FHOD3: variants seen among roughly 807,000 people sequenced by gnomAD.
FHOD3 encodes formin homology 2 domain containing 3.
In FHOD3, 90 loss-of-function variants were observed where a neutral mutation model predicts 173.0. The observed-to-expected ratio is 0.52, with a 90% confidence interval of 0.44 to 0.62. The LOEUF (loss-of-function observed/expected upper bound fraction) is 0.62, where lower values mean the gene tolerates loss of function less well. Among genes scored for constraint, FHOD3 ranks in the 20% least tolerant of loss-of-function variants. FHOD3 has a pLI of 0.00. For synonymous variants in FHOD3, 828 were observed against 823.0 expected (o/e 1.01, Z -0.10); for missense variants, 1,945 against 2,034.7 (o/e 0.96, Z 0.85).
intron 20 of FHOD3, among the ~76,000 whole-genome samples, chr18:36,732,173 G>A (rs1418335691): frequency 2.6e-5 from 4 of 152,172 alleles, no homozygotes; most frequent in Non-Finnish European, 4.4e-5. Flanking sequence ...GAATACCAAG[G>A]ATCGTGGACA....
At chr18:36,584,091 G>C (rs1168640445) in intron 6 of FHOD3, among the ~76,000 whole-genome samples, 1 of 152,158 alleles carries the variant, frequency 6.6e-6, no homozygotes, top group Non-Finnish European at 1.5e-5. Context: ...GCCTCCCAAA[G>C]TGCTAAGAAT....
rs542353516 is a variant in FHOD3, at chr18:36,403,240, C to T, written c.337+30496C>T. 4.6e-5 allele frequency among the ~76,000 whole-genome samples: 7 copies of T among 152,324 alleles called. No homozygotes were observed. In the East Asian group the frequency reaches 1.3e-3, roughly 29 times the overall value. On this transcript the variant is annotated intron_variant, in intron 3 of 28. Coordinates refer to ENST00000590592, the MANE Select transcript of FHOD3 (RefSeq NM_001281740.3). ...GGGTGTGTTCTGTCCTCTGCAGCTT[C>T]CCTCCTCCCTCTACCCACCTTTTGG...
intron 3 of FHOD3, among the ~76,000 whole-genome samples, chr18:36,462,452 C>T (rs186456424): frequency 6.6e-6 from 1 of 152,194 alleles, no homozygotes; most frequent in African/African-American, 2.4e-5. Flanking sequence ...CTGCTTCAGC[C>T]TCCTGAGTAG....
At chr18:36,482,304 G>C (rs2053943215) in intron 3 of FHOD3, among the ~76,000 whole-genome samples, 1 of 152,298 alleles carries the variant, frequency 6.6e-6, no homozygotes, top group Middle Eastern at 3.4e-3. Context: ...AGTGCTATGA[G>C]AGAAAAACAG....
chr18:36,582,838 G>A (rs1313595358), intron 6 of FHOD3, among the ~76,000 whole-genome samples: 2 of 152,154 alleles, frequency 1.3e-5, no homozygotes, highest in Non-Finnish European at 1.5e-5. Context: ...CGTTTGAACC[G>A]GTAATCCACT....
At chr18:36,340,709 T>C (rs551180158) in intron 1 of FHOD3, among the ~76,000 whole-genome samples, 3 of 151,942 alleles carry the variant, frequency 2.0e-5, no homozygotes, top group African/African-American at 7.2e-5. Flanking sequence ...CGATCTCGGC[T>C]CACTGCAAGC....
chr18:36,761,960 C>T (rs1012667457), intron 27 of FHOD3, among the ~76,000 whole-genome samples: 7 of 152,070 alleles, frequency 4.6e-5, no homozygotes, highest in South Asian at 2.1e-4. Context: ...CACAGAAATG[C>T]AGTAGTGAGT....
chr18:36,371,513 C>G (rs2047185414), intron 2 of FHOD3, among the ~76,000 whole-genome samples: 1 of 152,166 alleles, frequency 6.6e-6, no homozygotes, highest in African/African-American at 2.4e-5. Flanking sequence ...CCCTGTGATT[C>G]AGTTACCTCC....
At chr18:36,650,473 G>T (rs1333383204) in intron 11 of FHOD3, among the ~76,000 whole-genome samples, 1 of 152,180 alleles carries the variant, frequency 6.6e-6, no homozygotes, top group East Asian at 1.9e-4. Context: ...GCAGGATGTG[G>T]AGAGAAAAGG....
intron 3 of FHOD3, among the ~76,000 whole-genome samples, chr18:36,491,095 A>T (rs1004621461): frequency 6.6e-6 from 1 of 152,174 alleles, no homozygotes; most frequent in African/African-American, 2.4e-5. Flanking sequence ...AGAAGTGTGC[A>T]TGGACAGATA....
chr18:36,649,433 C>A, intron 11 of FHOD3, 28 bp downstream of exon 11: 2 of 1,512,170 alleles, frequency 1.3e-6, no homozygotes, highest in Non-Finnish European at 1.8e-6. Flanking sequence ...CTCCCAAGCT[C>A]ACACTAAAAG....
At chr18:36,591,547 C>T in intron 6 of FHOD3, among the ~76,000 whole-genome samples, 1 of 152,160 alleles carries the variant, frequency 6.6e-6, no homozygotes, top group East Asian at 1.9e-4. Flanking sequence ...TGCTGTGAAG[C>T]TTACATTCTT....
At chr18:36,739,372 G>A (rs908945951) in intron 20 of FHOD3, among the ~76,000 whole-genome samples, 7 of 152,212 alleles carry the variant, frequency 4.6e-5, no homozygotes, top group African/African-American at 1.7e-4. Context: ...GAGCAGTACT[G>A]TTCAATAAAA....
rs534918794 is a variant in FHOD3, at chr18:36,611,761, G to A, written c.814-191G>A. 2.0e-5 allele frequency among the ~76,000 whole-genome samples: 3 copies of A among 152,306 alleles called. No individual in the cohort carries two copies. In the South Asian group the frequency reaches 6.2e-4, roughly 32 times the overall value. ...GATTATGTAGCACTTGTACACCAGA[G>A]GGGAGAATATTGGGGTTCATTCTGC... On this transcript the variant is annotated intron_variant, in intron 8 of 28. Coordinates refer to ENST00000590592, the MANE Select transcript of FHOD3 (RefSeq NM_001281740.3).
chr18:36,419,812 G>A (rs981814564), intron 3 of FHOD3, among the ~76,000 whole-genome samples: 2 of 152,198 alleles, frequency 1.3e-5, no homozygotes, highest in African/African-American at 4.8e-5. Context: ...AGGGAAGGAA[G>A]TGCGCTCTCT....
At chr18:36,310,332 CA>C (rs1412151004) in intron 1 of FHOD3, among the ~76,000 whole-genome samples, 1 of 152,122 alleles carries the variant, frequency 6.6e-6, no homozygotes, top group East Asian at 1.9e-4. Flanking sequence ...AGTGAAGTAA[CA>C]ACTGAAGGCA....
At chr18:36,548,017 C>T (rs774559081) in intron 5 of FHOD3, among the ~76,000 whole-genome samples, 2 of 152,124 alleles carry the variant, frequency 1.3e-5, no homozygotes, top group African/African-American at 2.4e-5. Context: ...CATGGTGAAA[C>T]CCTGTCTCTA....
chr18:36,578,613 T>C (rs1351248302), intron 6 of FHOD3, among the ~76,000 whole-genome samples: 3 of 152,192 alleles, frequency 2.0e-5, no homozygotes, highest in Admixed American at 6.5e-5. Flanking sequence ...GTCCATCCCC[T>C]GGCCCTACCC....
At chr18:36,666,912 A>G (rs950991190) in intron 14 of FHOD3, among the ~76,000 whole-genome samples, 10 of 152,158 alleles carry the variant, frequency 6.6e-5, no homozygotes, top group Non-Finnish European at 1.2e-4. Flanking sequence ...CTTTGTGATT[A>G]TTGCTGCCCT....
Sources: allele counts gnomAD v4.1 joint callset (sites outside exome capture counted in the v4.1 genomes callset), GRCh38; gene constraint gnomAD v4.1.1; transcripts MANE v1.5; gene names NCBI Gene and HGNC (gene_info 2026-07-23, HGNC 2026-07-21).